The following SLC35F4 variants were observed in gnomAD, a reference collection of about 807,000 sequenced individuals.
SLC35F4 encodes the protein solute carrier family 35 member F4.
SLC35F4 carries 24 observed loss-of-function variants against 44.2 expected under a neutral mutation model. The ratio of observed to expected loss-of-function variants is 0.54; its 90% CI spans 0.39 to 0.76. The LOEUF is 0.76. Among genes scored for constraint, SLC35F4 ranks in the 30% least tolerant of loss-of-function variants. The pLI, the probability that SLC35F4 is intolerant of heterozygous loss-of-function variation, is 0.00. For synonymous variants in SLC35F4, 238 were observed against 223.6 expected (o/e 1.06, Z -0.57); for missense variants, 562 against 586.1 (o/e 0.96, Z 0.42).
At chr14:57,649,072 G>A (rs2073670018) in intron 1 of SLC35F4, among the ~76,000 whole-genome samples, 1 of 152,114 alleles carries the variant, frequency 6.6e-6, no homozygotes, top group Non-Finnish European at 1.5e-5. Flanking sequence ...ACTCCTCAGA[G>A]ATGCCTTCCT....
At chr14:57,648,633 A>G (rs1427904048) in intron 1 of SLC35F4, among the ~76,000 whole-genome samples, 1 of 152,194 alleles carries the variant, frequency 6.6e-6, no homozygotes, top group African/African-American at 2.4e-5. Context: ...AATTAAAACT[A>G]TAAATATGGA....
intron 1 of SLC35F4, chr14:57,595,948 G>A (rs2070461995): frequency 6.6e-6 from 1 of 152,232 alleles, no homozygotes; most frequent in Non-Finnish European, 1.5e-5. Flanking sequence ...CAGTTAATGA[G>A]TACAAACATA....
intron 1 of SLC35F4, among the ~76,000 whole-genome samples, chr14:57,763,193 A>G (rs1442338701): frequency 6.6e-6 from 1 of 152,146 alleles, no homozygotes; most frequent in Non-Finnish European, 1.5e-5. Context: ...TGTAAGAATC[A>G]TGTCCTTTTG....
intron 1 of SLC35F4, among the ~76,000 whole-genome samples, chr14:57,794,637 C>A (rs572630071): frequency 1.7e-4 from 26 of 151,922 alleles, no homozygotes; most frequent in Admixed American, 1.4e-3. Flanking sequence ...GTCTGTAGGC[C>A]CATTCTGTTC....
chr14:57,698,706 C>T (rs750728830), intron 1 of SLC35F4, among the ~76,000 whole-genome samples: 1 of 150,772 alleles, frequency 6.6e-6, no homozygotes, highest in East Asian at 1.9e-4. Flanking sequence ...GGCATGATCT[C>T]GGCTCACTGC....
rs566141543 is a variant in SLC35F4, at chr14:57,590,814, A to T, written c.290-1301T>A. ...GCGCAGCCCAGAGATTGCAAATGGC[A>T]GTGGATGGGGCTGCTCACTTTGTGT... On this transcript the variant is annotated intron_variant, in intron 2 of 7. Transcript: ENST00000556826. Among the ~76,000 whole-genome samples, 4 of 152,318 alleles carry T rather than the reference A, an allele frequency of 2.6e-5. No homozygotes were observed. In the South Asian group the frequency reaches 8.3e-4, roughly 32 times the overall value.
chr14:57,953,507 C>T lies in SLC35F4; in HGVS notation n.282+28406G>A, dbSNP rs1465260432. 5.9e-5 allele frequency among the ~76,000 whole-genome samples: 9 copies of T among 152,198 alleles called. 1 individual carries two copies. In the Middle Eastern group the frequency reaches 0.017, roughly 288 times the overall value. ...ACTGGCAAATTGGATAGTCAAGACCCGTCAGTGTGCTGTATCCAGGAGAAC... is the reference window on the plus strand; with the variant it reads ...ACTGGCAAATTGGATAGTCAAGACCTGTCAGTGTGCTGTATCCAGGAGAAC... On this transcript the variant is annotated intron_variant and non_coding_transcript_variant, in intron 1 of 1. Coordinates refer to the SLC35F4 transcript ENST00000556568.
At chr14:57,782,313 G>T (rs2077642109) in intron 1 of SLC35F4, among the ~76,000 whole-genome samples, 1 of 151,052 alleles carries the variant, frequency 6.6e-6, no homozygotes. Flanking sequence ...TCAATATACT[G>T]GGAAATTTTT....
intron 1 of SLC35F4, among the ~76,000 whole-genome samples, chr14:57,918,354 A>G (rs1449816325): frequency 6.6e-6 from 1 of 152,170 alleles, no homozygotes; most frequent in Non-Finnish European, 1.5e-5. Context: ...TCCTCTGAAG[A>G]TTCCTACTCT....
chr14:57,864,375 G>T (rs1887944747), intron 1 of SLC35F4, among the ~76,000 whole-genome samples: 1 of 152,092 alleles, frequency 6.6e-6, no homozygotes. Context: ...AATTACTTTT[G>T]TATGGAAAAT....
chr14:57,803,298 C>T (rs1033853502), intron 1 of SLC35F4, among the ~76,000 whole-genome samples: 25 of 152,090 alleles, frequency 1.6e-4, no homozygotes, highest in African/African-American at 6.0e-4. Context: ...ACTGAAGGAA[C>T]ATAACACAAA....
intron 1 of SLC35F4, among the ~76,000 whole-genome samples, chr14:57,930,177 C>T (rs1166661237): frequency 6.6e-6 from 1 of 152,190 alleles, no homozygotes; most frequent in African/African-American, 2.4e-5. Flanking sequence ...AAGAAAGTGT[C>T]ACAAGTTAAT....
At chr14:57,672,299 G>T (rs765847985) in intron 1 of SLC35F4, among the ~76,000 whole-genome samples, 1 of 152,088 alleles carries the variant, frequency 6.6e-6, no homozygotes, top group South Asian at 2.1e-4. Flanking sequence ...ATCCCACTTT[G>T]CCCTAGACAC....
At chr14:57,854,986 C>T (rs183268403) in intron 1 of SLC35F4, among the ~76,000 whole-genome samples, 2 of 152,170 alleles carry the variant, frequency 1.3e-5, no homozygotes, top group East Asian at 1.9e-4. Flanking sequence ...ATGGGTATGA[C>T]CAAAAAATAA....
At chr14:57,792,095 C>T (rs996548401) in intron 1 of SLC35F4, among the ~76,000 whole-genome samples, 26 of 151,674 alleles carry the variant, frequency 1.7e-4, no homozygotes, top group African/African-American at 6.0e-4. Flanking sequence ...ACATGTATCC[C>T]AGAACTTAAA....
intron 1 of SLC35F4, among the ~76,000 whole-genome samples, chr14:57,645,691 G>T (rs2073474370): frequency 6.6e-6 from 1 of 151,222 alleles, no homozygotes; most frequent in East Asian, 1.9e-4. Context: ...GGGCATCCCT[G>T]TCTTGTGCCA....
At chr14:57,883,285 G>T (rs1275701815) in intron 1 of SLC35F4, among the ~76,000 whole-genome samples, 1 of 152,198 alleles carries the variant, frequency 6.6e-6, no homozygotes, top group Non-Finnish European at 1.5e-5. Context: ...ATAGATTCAA[G>T]ATGGAAGTTA....
At chr14:57,696,359 A>G (rs1001952843) in intron 1 of SLC35F4, among the ~76,000 whole-genome samples, 5 of 152,272 alleles carry the variant, frequency 3.3e-5, no homozygotes, top group Middle Eastern at 3.2e-3. Context: ...AATCTAAACC[A>G]CAATGAGATA....
At chr14:57,793,032 A>C (rs1250650371) in intron 1 of SLC35F4, among the ~76,000 whole-genome samples, 1 of 152,130 alleles carries the variant, frequency 6.6e-6, no homozygotes, top group African/African-American at 2.4e-5. Flanking sequence ...GGTGTAACTT[A>C]AAAAACAAAA....
Sources: gnomAD v4.1 joint callset for allele counts (sites outside exome capture counted in the v4.1 genomes callset) on GRCh38, gnomAD v4.1.1 for gene constraint, MANE v1.5 for transcripts, NCBI Gene and HGNC (gene_info 2026-07-23, HGNC 2026-07-21) for gene names.